Variants in DOCK3 observed in about 807,000 individuals in gnomAD.
DOCK3 encodes dedicator of cytokinesis protein 3.
Under a neutral mutation model 265.6 loss-of-function variants are expected in DOCK3, and 60 were observed. The ratio of observed to expected loss-of-function variants is 0.23; its 90% confidence interval spans 0.18 to 0.28. DOCK3 has a LOEUF of 0.28. Ranked by LOEUF, DOCK3 falls within the 10% of genes least tolerant of loss-of-function variation. The pLI is 1.00. For missense variants in DOCK3, 1,981 were observed against 2,594.3 expected (o/e 0.76, Z 5.14); for synonymous variants, 881 against 938.0 (o/e 0.94, Z 1.11).
chr3:51,295,699 G>T (rs1167946789), intron 27 of DOCK3, among the ~76,000 whole-genome samples: 1 of 151,544 alleles, frequency 6.6e-6, no homozygotes, highest in Non-Finnish European at 1.5e-5. Context: ...TTTCTCCTAA[G>T]ATCAGGAACA....
At chr3:50,806,349 C>A (rs1254919957) in intron 2 of DOCK3, among the ~76,000 whole-genome samples, 1 of 152,006 alleles carries the variant, frequency 6.6e-6, no homozygotes, top group Non-Finnish European at 1.5e-5. Context: ...TGGGGGCACA[C>A]CTGTGAGGGC....
intron 2 of DOCK3, among the ~76,000 whole-genome samples, chr3:50,779,409 G>T (rs1267972930): frequency 6.6e-6 from 1 of 151,840 alleles, no homozygotes; most frequent in East Asian, 1.9e-4. Context: ...TTGAGAGGGA[G>T]CCTTGCTCTT....
intron 14 of DOCK3, among the ~76,000 whole-genome samples, chr3:51,222,418 C>T (rs895125976): frequency 6.6e-6 from 1 of 152,240 alleles, no homozygotes; most frequent in African/African-American, 2.4e-5. Context: ...GAGCTTTTCA[C>T]ATTTGCTTCT....
chr3:51,300,542 G>A (rs369656254), intron 27 of DOCK3, among the ~76,000 whole-genome samples: 10 of 151,988 alleles, frequency 6.6e-5, no homozygotes, highest in South Asian at 6.2e-4. Context: ...TGGGTTTGTC[G>A]TAAATGCCAC....
intron 2 of DOCK3, among the ~76,000 whole-genome samples, chr3:50,785,743 G>A (rs567752747): frequency 6.6e-6 from 1 of 152,222 alleles, no homozygotes; most frequent in African/African-American, 2.4e-5. Context: ...TTACATCTAT[G>A]TTCATCAAGG....
At chr3:50,967,777 G>A (rs1484182766) in intron 5 of DOCK3, among the ~76,000 whole-genome samples, 2 of 152,086 alleles carry the variant, frequency 1.3e-5, no homozygotes, top group Non-Finnish European at 2.9e-5. Flanking sequence ...AAAGGATGGG[G>A]GAACCACCCC....
intron 12 of DOCK3, among the ~76,000 whole-genome samples, chr3:51,183,787 T>A (rs1443940522): frequency 6.6e-6 from 1 of 152,220 alleles, no homozygotes; most frequent in African/African-American, 2.4e-5. Flanking sequence ...TTGGAATGCC[T>A]CACACAGCAG....
chr3:51,096,719 C>T (rs989689653), intron 9 of DOCK3, among the ~76,000 whole-genome samples: 1 of 152,146 alleles, frequency 6.6e-6, no homozygotes, highest in Non-Finnish European at 1.5e-5. Context: ...GGAGAAGAGG[C>T]GTTCCGGTTT....
chr3:50,788,021 T>C, intron 2 of DOCK3: 1 of 747,124 alleles, frequency 1.3e-6, no homozygotes, highest in Non-Finnish European at 2.3e-6. Context: ...AGCATGCACA[T>C]CAGACTCTGC....
chr3:50,727,286 G>GA (rs1270031211), intron 1 of DOCK3, among the ~76,000 whole-genome samples: 2 of 152,126 alleles, frequency 1.3e-5, no homozygotes, highest in Non-Finnish European at 2.9e-5. Flanking sequence ...TAAAACGACA[G>GA]AAAAAAGATA....
At chr3:51,079,115 A>G (rs1481287594) in intron 7 of DOCK3, among the ~76,000 whole-genome samples, 3 of 152,232 alleles carry the variant, frequency 2.0e-5, no homozygotes, top group Non-Finnish European at 4.4e-5. Flanking sequence ...ATTACTGGAA[A>G]TTATGAAGAC....
At chr3:51,307,449 T>C (rs2082745920) in intron 27 of DOCK3, among the ~76,000 whole-genome samples, 1 of 152,194 alleles carries the variant, frequency 6.6e-6, no homozygotes, top group Non-Finnish European at 1.5e-5. Flanking sequence ...TTTAACTATA[T>C]GCAGTCACTA....
At position 51,075,382 on chromosome 3, in the gene DOCK3, G is replaced by A; in HGVS notation, c.491G>A (p.Arg164Gln). Residue 164 changes from arginine to glutamine, a missense_variant, in exon 7 of 53, where the codon CGG (arginine) becomes CAG (glutamine). By Grantham distance (43) the Arg-to-Gln change is conservative (BLOSUM62 1). Transcript: ENST00000266037. ...NEHLGLDLVP[R>Q]KDFEVVDSDQ... ...CATTTGGGCCTGGACCTGGTGCCTC[G>A]GAAGGACTTTGAAGTAGTGGACTCG... The A allele has an allele frequency of 3.1e-6, 5 of 1,611,202 alleles. No homozygotes were observed. The highest frequency in any genetic ancestry group is 1.3e-5 in the African/African-American group (1 of 74,978).
intron 5 of DOCK3, among the ~76,000 whole-genome samples, chr3:50,980,980 G>T (rs1437676188): frequency 6.6e-6 from 1 of 151,624 alleles, no homozygotes; most frequent in Non-Finnish European, 1.5e-5. Context: ...TTTATTATTT[G>T]TTTCCATCCA....
intron 1 of DOCK3, among the ~76,000 whole-genome samples, chr3:50,703,261 A>G (rs777207400): frequency 6.6e-6 from 1 of 151,500 alleles, no homozygotes; most frequent in Non-Finnish European, 1.5e-5. Context: ...TTTGTTGAGG[A>G]TTTTTGCATC....
At position 50,977,955 on chromosome 3, in the gene DOCK3, A is replaced by G. The variant is rs570178898; in HGVS notation, c.315+43878A>G. On this transcript the variant is annotated intron_variant, in intron 5 of 52. Coordinates refer to ENST00000266037, the MANE Select transcript of DOCK3 (RefSeq NM_004947.5). Reference sequence around the variant, plus strand: ...TCGCATCGGCTCCTGAGGCTTCTGCATTCTTCCCGTTGTTCTCGAGCCTTG... The same window carrying G: ...TCGCATCGGCTCCTGAGGCTTCTGCGTTCTTCCCGTTGTTCTCGAGCCTTG... Among the ~76,000 whole-genome samples the G allele has an allele frequency of 5.5e-3, 842 of 152,028 alleles. 2 individuals are homozygous for G. The highest frequency in any genetic ancestry group is 9.7e-3 in the Admixed American group (148 of 15,268).
intron 5 of DOCK3, among the ~76,000 whole-genome samples, chr3:50,986,625 T>A (rs1006904235): frequency 6.6e-6 from 1 of 152,230 alleles, no homozygotes; most frequent in Non-Finnish European, 1.5e-5. Flanking sequence ...AATAATCATA[T>A]TCTTTTGGAT....
At chr3:51,031,109 A>T (rs1575821774) in intron 5 of DOCK3, among the ~76,000 whole-genome samples, 1 of 152,226 alleles carries the variant, frequency 6.6e-6, no homozygotes. Flanking sequence ...AGAAATTTTC[A>T]TACTTTTCAA....
At chr3:51,043,337 A>G (rs2080616805) in intron 5 of DOCK3, among the ~76,000 whole-genome samples, 1 of 152,224 alleles carries the variant, frequency 6.6e-6, no homozygotes, top group African/African-American at 2.4e-5. Context: ...CAATGGGGAA[A>G]GGATTCCCTA....
Sources: allele counts gnomAD v4.1 joint callset (sites outside exome capture counted in the v4.1 genomes callset), GRCh38; gene constraint gnomAD v4.1.1; transcripts MANE v1.5; gene names NCBI Gene and HGNC (gene_info 2026-07-23, HGNC 2026-07-21).